Variants in TTN observed in about 807,000 individuals in gnomAD.
The protein encoded by TTN is titin.
TTN carries 1,525 observed loss-of-function variants against 3,223.0 expected under a neutral mutation model. The ratio of observed to expected loss-of-function variants is 0.47; its 90% CI spans 0.45 to 0.49. The LOEUF is 0.49. TTN is among the 20% of genes least tolerant of loss of function. The probability of loss-of-function intolerance (pLI) is 0.00; values close to 1 mark genes in which losing one functional copy is unlikely to be tolerated. For missense variants in TTN, 40,786 were observed against 43,424.0 expected, an observed-to-expected ratio of 0.94 and a Z score of 5.40; for synonymous variants, 14,094 against 15,161.0, an observed-to-expected ratio of 0.93 and a Z score of 5.17.
At chr2:178,714,819 T>C (rs2077221823) in intron 90 of TTN, among the ~76,000 whole-genome samples, 167 bp downstream of exon 90, 1 of 151,942 alleles carries the variant, frequency 6.6e-6, no homozygotes, top group South Asian at 2.1e-4. Flanking sequence ...GGATATTCAG[T>C]AGGATTTGGA....
In TTN at chr2:178,751,446, C is replaced by T. The variant is rs1304491491; in HGVS notation, c.11311+1678G>A. 3.1e-6 allele frequency: 5 copies of T among 1,612,884 alleles called. No individual in the cohort carries two copies. The East Asian group carries it at 6.7e-5, about 22-fold the overall frequency. On this transcript the variant is annotated intron_variant, in intron 47 of 362. Coordinates refer to ENST00000589042, the MANE Select transcript of TTN (RefSeq NM_001267550.2). Reference sequence around the variant, plus strand: ...TTAAAATGTATAGTTCTCATCATTCCCTTTTGTTCCACATCTTGTTTTTTG... The same window carrying T: ...TTAAAATGTATAGTTCTCATCATTCTCTTTTGTTCCACATCTTGTTTTTTG...
intron 45 of TTN, among the ~76,000 whole-genome samples, chr2:178,757,333 G>C (rs2087588829): frequency 6.6e-6 from 1 of 151,890 alleles, no homozygotes; most frequent in Non-Finnish European, 1.5e-5. Flanking sequence ...TGGTTCTCTA[G>C]TGCATAGAAC....
At position 178,566,883 on chromosome 2, in the gene TTN, C is replaced by G; in HGVS notation, c.79249G>C (p.Glu26417Gln). Residue 26417 changes from glutamate (E) to glutamine (Q), a missense_variant, in exon 326 of 363, where the codon GAG becomes CAG. Coordinates refer to ENST00000589042, the MANE Select transcript of TTN (RefSeq NM_001267550.2). ...TTCTCTACAATGTAACCAATAATCT[C>G]ACTTCCACCATCACTATCTGGACGG... ...WNRPDSDGGS[E>Q]IIGYIVEKRD... The G allele has an allele frequency of 1.9e-6, 3 of 1,613,534 alleles. No individual in the cohort carries two copies. The highest frequency in any genetic ancestry group is 1.6e-4 in the Middle Eastern group (1 of 6,062).
At chr2:178,610,753 T>C (rs981301708) in intron 270 of TTN, among the ~76,000 whole-genome samples, 3 of 152,032 alleles carry the variant, frequency 2.0e-5, no homozygotes, top group Admixed American at 6.6e-5. Context: ...ATATCTGTTA[T>C]TTAAATTAGT....
At chr2:178,780,675 G>C (rs148870983) in intron 21 of TTN, among the ~76,000 whole-genome samples, 544 of 152,310 alleles carry the variant, frequency 3.6e-3, no homozygotes, top group Middle Eastern at 6.8e-3. Context: ...TGAAAATCCT[G>C]ACTTCCAGGT....
Position 178,557,383 on chromosome 2 carries a change from G to A in TTN, c.87879C>T (p.Arg29293=). The change falls in exon 329 of 363, where the codon CGC becomes CGT. Residue 29293 remains arginine, a synonymous_variant. Transcript: ENST00000589042. ...LWQKANKLVI[R]TTHFKVTTIS... The stretch of plus-strand genomic sequence containing the variant: ...TTGTTGTGACTTTGAAGTGAGTTGT[G>A]CGGATGACCAGTTTGTTGGCTTTTT... 1 of 1,613,948 alleles carries A rather than the reference G, an allele frequency of 6.2e-7. No homozygotes were observed. Among genetic ancestry groups the A allele is most frequent in the Non-Finnish European group, 8.5e-7 (1 of 1,179,860 alleles).
chr2:178,570,900 C>G lies in TTN; in HGVS notation c.75232G>C (p.Glu25078Gln). 2.5e-6 allele frequency: 4 copies of G among 1,613,568 alleles called. No individual in the cohort carries two copies. Among genetic ancestry groups the G allele is most frequent in the Non-Finnish European group, 3.4e-6 (4 of 1,179,624 alleles). The change falls in exon 326 of 363, where the codon GAG (glutamate) becomes CAG (glutamine). Residue 25078 changes from glutamate (E) to glutamine (Q), a missense_variant. Glu to Gln is a conservative substitution (Grantham distance 29). Coordinates refer to ENST00000589042, the MANE Select transcript of TTN (RefSeq NM_001267550.2). The part of the protein sequence containing the change: ...VTGLVEDHRY[E>Q]FRVIARNAAG... Reference sequence around the variant, plus strand: ...GCATTTCGGGCTATAACCCGGAACTCATATCTGTGATCTTCAACTAGGCCA... The same window carrying G: ...GCATTTCGGGCTATAACCCGGAACTGATATCTGTGATCTTCAACTAGGCCA...
rs749740258 is a variant in TTN at position 178,614,045 on chromosome 2, A to G, written c.49345+7T>C. 1 of 1,610,642 alleles carries G rather than the reference A, an allele frequency of 6.2e-7. No homozygotes were observed. The highest frequency in any genetic ancestry group is 1.3e-5 in the African/African-American group (1 of 74,724). On this transcript the variant is annotated splice_region_variant and intron_variant, in intron 262 of 362. Transcript: ENST00000589042. ...TTTTTTTTTTATCAGCTGATTGAGA[A>G]ACTTACCAAACTGATATTTGGCTGT...
rs1559131711 is a variant in TTN at position 178,544,316 on chromosome 2, A to G, written c.95913T>C (p.Thr31971=). ...TCTGGCCCATTTTAAGGTCTGGCAC[A>G]GTGAATTCAGTATTTCTTATTGTGG... is the stretch of plus-strand genomic sequence containing the variant. ...TNATIRNTEF[T]VPDLKMGQKY... is the part of the protein sequence containing the mutation. Residue 31971 remains threonine, a synonymous_variant, in exon 345 of 363, where the codon ACT becomes ACC. Coordinates refer to ENST00000589042, the MANE Select transcript of TTN (RefSeq NM_001267550.2). 1 of 1,613,786 alleles carries G rather than the reference A, an allele frequency of 6.2e-7. No homozygotes were observed. The highest frequency in any genetic ancestry group is 1.7e-5 in the Admixed American group (1 of 60,010).
intron 247 of TTN, 28 bp downstream of exon 247, chr2:178,620,687 A>C (rs375893840): frequency 1.1e-5 from 18 of 1,604,728 alleles, no homozygotes; most frequent in Admixed American, 1.7e-5. Flanking sequence ...CTGATGAAAA[A>C]ATCTCTAGTG....
At chr2:178,629,487 A>G (rs1376430600) in intron 239 of TTN, 44 bp from the exon 240 acceptor site, 1 of 1,609,856 alleles carries the variant, frequency 6.2e-7, no homozygotes, top group Admixed American at 1.7e-5. Context: ...TCATTTTGTA[A>G]TCCCAAAAGA....
At position 178,702,634 on chromosome 2, in the gene TTN, G is replaced by C. The variant is rs1057519237; in HGVS notation, c.30253C>G (p.Gln10085Glu). The C allele has an allele frequency of 6.2e-7, 1 of 1,613,856 alleles. No individual in the cohort carries two copies. The highest frequency in any genetic ancestry group is 8.5e-7 in the Non-Finnish European group (1 of 1,179,774). Residue 10085 changes from glutamine (Q) to glutamate (E), a missense_variant, in exon 107 of 363, where the codon CAG becomes GAG. By Grantham distance (29) the Gln-to-Glu change is conservative. Transcript: ENST00000589042. Reference protein sequence around the residue: ...AEPIQFTKRIQNIVVSEHQSA... With the variant: ...AEPIQFTKRIENIVVSEHQSA... ...TGATGCTCACTCACCACGATGTTCT[G>C]TATGCGCTTTGTAAACTGAATTGGT...
chr2:178,779,428 A>T lies in TTN; in HGVS notation c.3764T>A (p.Ile1255Asn). The T allele has an allele frequency of 6.4e-7, 1 of 1,570,588 alleles. No individual in the cohort carries two copies. Residue 1255 changes from isoleucine to asparagine, a missense_variant, in exon 23 of 363, where the codon ATT becomes AAT. By Grantham distance (149) the Ile-to-Asn change is moderately radical. Coordinates refer to ENST00000589042, the MANE Select transcript of TTN (RefSeq NM_001267550.2). The stretch of plus-strand genomic sequence containing the variant: ...TATTATTCTATATTCAATTTCTTTA[A>T]TAAGTCTCTCTTCAAAGGAAGAAAT... ...FHISSFEERL[I>N]KEIEYRIIKT...
rs116567963 is a variant in TTN, at chr2:178,546,296, C to T, written c.95035G>A (p.Asp31679Asn). 8.1e-4 allele frequency: 1,307 copies of T among 1,613,858 alleles called. 8 individuals are homozygous for T. In the African/African-American group the frequency reaches 0.016, roughly 20 times the overall value. The change falls in exon 342 of 363, where the codon GAC becomes AAC. Residue 31679 changes from aspartate to asparagine, a missense_variant. Transcript: ENST00000589042. ...KRATAVIKFC[D>N]RSDSGKYTLT... is the part of the protein sequence containing the mutation. ...GTGTATTTTCCACTGTCACTTCTGT[C>T]ACAGAACTTGATCACAGCAGTTGCT...
chr2:178,544,282 A>G lies in TTN; in HGVS notation c.95947T>C (p.Phe31983Leu). Residue 31983 changes from phenylalanine (F) to leucine (L), a missense_variant, in exon 345 of 363, where the codon TTC (phenylalanine) becomes CTC (leucine). By Grantham distance (22) the Phe-to-Leu change is conservative. Coordinates refer to ENST00000589042, the MANE Select transcript of TTN (RefSeq NM_001267550.2). ...TTCACGTTCACGGCAGCAACTCTGA[A>G]GGAATATTTCTGGCCCATTTTAAGG... ...PDLKMGQKYSFRVAAVNVKGM... is the reference protein window; with the variant it reads ...PDLKMGQKYSLRVAAVNVKGM... The G allele has an allele frequency of 1.2e-6, 2 of 1,613,832 alleles. No individual in the cohort carries two copies. The highest frequency in any genetic ancestry group is 1.7e-6 in the Non-Finnish European group (2 of 1,179,750).
rs569878260 is a variant in TTN at position 178,600,573 on chromosome 2, T to C, written c.56050+281A>G. 44 of 427,536 alleles carry C rather than the reference T, an allele frequency of 1.0e-4. No homozygotes were observed. In the South Asian group the frequency reaches 1.2e-3, roughly 11 times the overall value. The allele number at this position is 427,536 out of a possible 1,614,324, so 26.5% of individuals were successfully genotyped here. ...CCCTTTTGAGGAGCATGCAGAGAAA[T>C]TGCTTTAGCCTCTGATAAATAAAAC... is the stretch of plus-strand genomic sequence containing the variant. On this transcript the variant is annotated intron_variant, in intron 288 of 362. Coordinates refer to ENST00000589042, the MANE Select transcript of TTN (RefSeq NM_001267550.2).
chr2:178,586,634 CT>C lies in TTN; in HGVS notation c.64266del (p.Asp21423IlefsTer2). 1 of 1,613,160 alleles carries C rather than the reference CT, an allele frequency of 6.2e-7. No individual in the cohort carries two copies. Among genetic ancestry groups the C allele is most frequent in the Non-Finnish European group, 8.5e-7 (1 of 1,179,408 alleles). On this transcript the variant is annotated frameshift_variant, in exon 308 of 363. Coordinates refer to ENST00000589042, the MANE Select transcript of TTN (RefSeq NM_001267550.2). LOFTEE classifies it high-confidence loss of function. ...AGGCCAGTGACAACAAGGCTCAGAT[CT>C]TTTACCACTGAGTACTCTGTCCAGC... Reference protein sequence around the residue: ...ADRWTEYSVVKDLSLVVTGLK... With the variant: ...ADRWTEYSVVXDLSLVVTGLK...
Position 178,591,749 on chromosome 2 carries a change from A to G in TTN, c.60070T>C (p.Trp20024Arg). The change falls in exon 303 of 363, where the codon TGG (tryptophan) becomes CGG (arginine). Residue 20024 changes from tryptophan to arginine, a missense_variant. By Grantham distance (101) the Trp-to-Arg change is moderately radical. Transcript: ENST00000589042. ...TTTGTCACAGTCTTAAATTTAATCCAGTCCTGGGTGCCTTCTTCTTGATAT... is the reference window on the plus strand; with the variant it reads ...TTTGTCACAGTCTTAAATTTAATCCGGTCCTGGGTGCCTTCTTCTTGATAT... ...VEYQEEGTQD[W>R]IKFKTVTNLE... The G allele has an allele frequency of 3.7e-6, 6 of 1,613,312 alleles. No homozygotes were observed. The highest frequency in any genetic ancestry group is 5.1e-6 in the Non-Finnish European group (6 of 1,179,578).
At chr2:178,724,169 A>T (rs775311100) in intron 72 of TTN, 26 bp from the exon 73 acceptor site, 12 of 1,591,382 alleles carry the variant, frequency 7.5e-6, no homozygotes, top group Admixed American at 1.8e-5. Flanking sequence ...TAAGAGACTC[A>T]TCATGATTTG....
Sources: allele counts gnomAD v4.1 joint callset (sites outside exome capture counted in the v4.1 genomes callset), GRCh38; gene constraint gnomAD v4.1.1; transcripts MANE v1.5; gene names NCBI Gene and HGNC (gene_info 2026-07-23, HGNC 2026-07-21).